Variants in LGSN observed in about 807,000 individuals in gnomAD.
LGSN encodes the protein lengsin.
LGSN carries 21 observed loss-of-function variants against 19.5 expected under a neutral mutation model. The observed-to-expected ratio is 1.07, with a 90% CI of 0.76 to 1.55. LGSN has a LOEUF of 1.55. LGSN is among the 40% of genes most tolerant of loss of function. LGSN has a pLI of 0.00. For missense variants in LGSN, 673 were observed against 608.5 expected (o/e 1.11, Z -1.12); for synonymous variants, 257 against 215.6 (o/e 1.19, Z -1.68).
the LGSN span, among the ~76,000 whole-genome samples, chr6:63,470,700 G>A: frequency 1.3e-5 from 2 of 151,794 alleles, no homozygotes; most frequent in African/African-American, 4.8e-5. Context: ...TTCTTGGTTG[G>A]GGAGCCGCCA....
At chr6:63,572,657 C>T in the LGSN span, 1 of 411,800 alleles carries the variant, frequency 2.4e-6, no homozygotes, top group Non-Finnish European at 4.2e-6. Flanking sequence ...CCGCCTGTGT[C>T]GCCGCCGCCT....
At chr6:63,552,893 G>T in the LGSN span, among the ~76,000 whole-genome samples, 1 of 152,082 alleles carries the variant, frequency 6.6e-6, no homozygotes, top group Admixed American at 6.6e-5. Flanking sequence ...CTCTGTTTTG[G>T]TACCAGTACC....
the LGSN span, among the ~76,000 whole-genome samples, chr6:63,408,600 C>T: frequency 6.7e-6 from 1 of 150,370 alleles, no homozygotes; most frequent in Non-Finnish European, 1.5e-5. Context: ...TAGGCATTAC[C>T]AATCAGGACA....
intron 1 of LGSN, among the ~76,000 whole-genome samples, chr6:63,311,969 T>C (rs1768645747): frequency 6.6e-6 from 1 of 152,198 alleles, no homozygotes; most frequent in South Asian, 2.1e-4. Context: ...ACATCACATA[T>C]AAGTGAGATC....
At chr6:63,310,329 T>C (rs1025961657) in intron 1 of LGSN, among the ~76,000 whole-genome samples, 14 of 152,176 alleles carry the variant, frequency 9.2e-5, no homozygotes, top group Non-Finnish European at 2.1e-4. Context: ...CCTTTTAAAA[T>C]GTTTATTAAT....
At chr6:63,515,594 C>A in the LGSN span, among the ~76,000 whole-genome samples, 1 of 152,158 alleles carries the variant, frequency 6.6e-6, no homozygotes, top group Non-Finnish European at 1.5e-5. Context: ...AGCAACATAG[C>A]AATCTTGAGT....
At chr6:63,355,170 C>A in the LGSN span, among the ~76,000 whole-genome samples, 1 of 152,094 alleles carries the variant, frequency 6.6e-6, no homozygotes, top group Non-Finnish European at 1.5e-5. Flanking sequence ...ATCCTAAATA[C>A]CCTGACTTGA....
the LGSN span, among the ~76,000 whole-genome samples, chr6:63,558,739 A>G: frequency 3.0e-4 from 46 of 152,374 alleles, no homozygotes; most frequent in African/African-American, 1.1e-3. Context: ...TGTAAAGTGT[A>G]TAAGAATGAC....
chr6:63,547,441 C>T, the LGSN span, among the ~76,000 whole-genome samples: 358 of 150,742 alleles, frequency 2.4e-3, 5 homozygotes, highest in South Asian at 8.2e-3. Context: ...TAATCTGCCT[C>T]GGCCTCCCAA....
chr6:63,388,527 G>A, the LGSN span, among the ~76,000 whole-genome samples: 218 of 152,208 alleles, frequency 1.4e-3, no homozygotes, highest in African/African-American at 5.2e-3. Flanking sequence ...TCTGAACACA[G>A]GTGCACAGAG....
the LGSN span, among the ~76,000 whole-genome samples, chr6:63,417,963 T>C: frequency 1.2e-3 from 177 of 152,210 alleles, 1 homozygote; most frequent in African/African-American, 4.0e-3. Flanking sequence ...TGTTTAGAGG[T>C]TATAAATTTT....
the LGSN span, among the ~76,000 whole-genome samples, chr6:63,346,128 T>C: frequency 6.6e-6 from 1 of 152,122 alleles, no homozygotes; most frequent in African/African-American, 2.4e-5. Context: ...GGGTGCTAGG[T>C]GAATATTTCG....
At chr6:63,510,149 T>C in the LGSN span, among the ~76,000 whole-genome samples, 6 of 152,358 alleles carry the variant, frequency 3.9e-5, no homozygotes, top group South Asian at 1.0e-3. Flanking sequence ...ATTCATTCAT[T>C]TAACATACTA....
the LGSN span, among the ~76,000 whole-genome samples, chr6:63,425,997 C>G: frequency 6.6e-6 from 1 of 151,924 alleles, no homozygotes; most frequent in African/African-American, 2.4e-5. Context: ...TTATTCCTTA[C>G]AACTGCAGGT....
chr6:63,384,954 A>T, the LGSN span, among the ~76,000 whole-genome samples: 1 of 152,354 alleles, frequency 6.6e-6, no homozygotes, highest in East Asian at 1.9e-4. Context: ...CAGAGGAAAG[A>T]CTATGTGGGG....
chr6:63,307,184 T>C (rs761094017), intron 1 of LGSN, among the ~76,000 whole-genome samples: 1 of 152,012 alleles, frequency 6.6e-6, no homozygotes, highest in Non-Finnish European at 1.5e-5. Context: ...AAATGCTTTG[T>C]CTTAATTTAT....
chr6:63,385,999 T>C, the LGSN span, among the ~76,000 whole-genome samples: 3 of 152,160 alleles, frequency 2.0e-5, no homozygotes. Context: ...ACCCAATTAA[T>C]AAATTTGATG....
chr6:63,330,103 C>A, the LGSN span, among the ~76,000 whole-genome samples: 2 of 152,194 alleles, frequency 1.3e-5, no homozygotes, highest in Non-Finnish European at 2.9e-5. Context: ...GGCTTCTGAC[C>A]CAGGGAACCT....
At chr6:63,333,076 T>C in the LGSN span, among the ~76,000 whole-genome samples, 21 of 151,990 alleles carry the variant, frequency 1.4e-4, no homozygotes, top group South Asian at 4.4e-3. Context: ...GTAGCAAGAT[T>C]TATTGCAAAA....
Sources: gnomAD v4.1 joint callset for allele counts (sites outside exome capture counted in the v4.1 genomes callset) on GRCh38, gnomAD v4.1.1 for gene constraint, MANE v1.5 for transcripts, NCBI Gene and HGNC (gene_info 2026-07-23, HGNC 2026-07-21) for gene names.